Variants in DNAAF11 observed in about 807,000 individuals in gnomAD.
The protein encoded by DNAAF11 is leucine rich repeat containing 6.
DNAAF11 carries 45 observed loss-of-function variants against 60.8 expected under a neutral mutation model. That is an observed-to-expected ratio of 0.74 (90% confidence interval 0.58 to 0.95). The LOEUF is 0.95. DNAAF11 is among the 40% of genes least tolerant of loss of function. The probability of loss-of-function intolerance (pLI) is 0.00; values close to 1 mark genes in which losing one functional copy is unlikely to be tolerated. For synonymous variants in DNAAF11, 191 were observed against 183.5 expected (o/e 1.04, Z -0.33); for missense variants, 546 against 546.2 (o/e 1.00, Z 0.00).
At chr8:132,593,721 GA>G (rs1440626239) in intron 10 of DNAAF11, among the ~76,000 whole-genome samples, 1 of 151,792 alleles carries the variant, frequency 6.6e-6, no homozygotes, top group Non-Finnish European at 1.5e-5. Flanking sequence ...GAGATCAATG[GA>G]AAAAAACACA....
At chr8:132,647,952 C>T (rs1486207693) in intron 3 of DNAAF11, among the ~76,000 whole-genome samples, 1 of 152,190 alleles carries the variant, frequency 6.6e-6, no homozygotes, top group East Asian at 1.9e-4. Flanking sequence ...TGGTACCATT[C>T]CTTCTGAAAC....
intron 11 of DNAAF11, among the ~76,000 whole-genome samples, chr8:132,576,978 T>C (rs1814816970): frequency 6.6e-6 from 1 of 152,204 alleles, no homozygotes; most frequent in Non-Finnish European, 1.5e-5. Context: ...GTGATTTTAA[T>C]AACTTTTTAA....
chr8:132,581,089 G>A (rs1326832031), intron 11 of DNAAF11, among the ~76,000 whole-genome samples: 5 of 152,014 alleles, frequency 3.3e-5, no homozygotes, highest in Admixed American at 3.3e-4. Context: ...GGGACAGTAG[G>A]GTGCCCACAA....
intron 10 of DNAAF11, among the ~76,000 whole-genome samples, chr8:132,606,303 C>T (rs1158295171): frequency 6.6e-6 from 1 of 151,908 alleles, no homozygotes; most frequent in Non-Finnish European, 1.5e-5. Flanking sequence ...AGAGTGGGCT[C>T]CCTCTACTTA....
intron 10 of DNAAF11, among the ~76,000 whole-genome samples, chr8:132,598,698 T>C (rs1430741479): frequency 2.0e-5 from 3 of 151,904 alleles, no homozygotes; most frequent in Non-Finnish European, 4.4e-5. Context: ...TTATCTCTGC[T>C]AGAAATAAAG....
At chr8:132,581,021 G>A (rs920985507) in intron 11 of DNAAF11, among the ~76,000 whole-genome samples, 2 of 152,184 alleles carry the variant, frequency 1.3e-5, no homozygotes, top group East Asian at 1.9e-4. Flanking sequence ...CCTGGTCTAC[G>A]ACAGAGGTGG....
chr8:132,696,849 T>G, the DNAAF11 span, among the ~76,000 whole-genome samples: 976 of 152,162 alleles, frequency 6.4e-3, 10 homozygotes, highest in Non-Finnish European at 0.011. Flanking sequence ...TGAGAACGCA[T>G]GGACCCAATG....
rs185767832 is a variant in DNAAF11 at position 132,603,318 on chromosome 8, G to A, written c.1140+6848C>T. On this transcript the variant is annotated intron_variant, in intron 10 of 11. Transcript: ENST00000620350. ...CAAATAGAGAAGAACAGAGGTCTCA[G>A]AATTGAATTATTGCACACACCAACT... Among the ~76,000 whole-genome samples, 476 of 152,222 alleles carry A rather than the reference G, an allele frequency of 3.1e-3. 1 individual carries two copies. The highest frequency in any genetic ancestry group is 5.7e-3 in the Non-Finnish European group (385 of 68,006).
intron 11 of DNAAF11, among the ~76,000 whole-genome samples, chr8:132,581,081 G>A (rs1298716771): frequency 6.6e-6 from 1 of 152,136 alleles, no homozygotes; most frequent in Admixed American, 6.5e-5. Flanking sequence ...GAAACACAGG[G>A]ACAGTAGGGT....
At chr8:132,649,270 G>A (rs1822746175) in intron 3 of DNAAF11, among the ~76,000 whole-genome samples, 1 of 152,122 alleles carries the variant, frequency 6.6e-6, no homozygotes, top group African/African-American at 2.4e-5. Flanking sequence ...AATGGGGAAA[G>A]GATTCCCTGT....
chr8:132,698,758 AC>A, the DNAAF11 span, among the ~76,000 whole-genome samples: 28 of 152,072 alleles, frequency 1.8e-4, no homozygotes, highest in Non-Finnish European at 1.9e-4. Context: ...AACCAAACCA[AC>A]AAAAATCACA....
At chr8:132,597,279 G>A (rs943628845) in intron 10 of DNAAF11, among the ~76,000 whole-genome samples, 11 of 152,138 alleles carry the variant, frequency 7.2e-5, no homozygotes, top group Non-Finnish European at 1.3e-4. Flanking sequence ...AGCCCACCGA[G>A]CACTGCCATT....
At chr8:132,620,911 G>A (rs112938271) in intron 7 of DNAAF11, among the ~76,000 whole-genome samples, 12 of 152,290 alleles carry the variant, frequency 7.9e-5, no homozygotes, top group African/African-American at 2.9e-4. Context: ...AAGTGAGCCG[G>A]TTGGGGAACT....
rs773674926 is a variant in DNAAF11, at chr8:132,616,744, G to A, written c.915-1647C>T. ...AGAAACAAATTTTCAGTGCCACAAA[G>A]TGAAACCAGCACTCAGGCAAAAGTT... On this transcript the variant is annotated intron_variant, in intron 7 of 11. Coordinates refer to ENST00000620350, the MANE Select transcript of DNAAF11 (RefSeq NM_012472.6). 2.1e-3 allele frequency among the ~76,000 whole-genome samples: 320 copies of A among 152,302 alleles called. 3 individuals carry two copies. Among genetic ancestry groups the A allele is most frequent in the Non-Finnish European group, 1.8e-3 (125 of 68,030 alleles).
chr8:132,631,542 A>G (rs1820793747), intron 5 of DNAAF11, among the ~76,000 whole-genome samples: 1 of 152,148 alleles, frequency 6.6e-6, no homozygotes, highest in Non-Finnish European at 1.5e-5. Flanking sequence ...CACATACTCA[A>G]ACTACTATTG....
In DNAAF11 at chr8:132,656,857, T is replaced by C; in HGVS notation, c.229A>G (p.Asn77Asp). ...KLEYLNLALN[N>D]IEKIENLEGC... ...TCCAAGTTTTCTATTTTTTCAATGT[T>C]GTTTAAAGCTAAATTCAAATATTCA... Residue 77 changes from asparagine (N) to aspartate (D), a missense_variant, in exon 3 of 12, where the codon AAC (asparagine) becomes GAC (aspartate). Transcript: ENST00000620350. The C allele has an allele frequency of 7.3e-7, 1 of 1,367,782 alleles. No individual in the cohort carries two copies. Among genetic ancestry groups the C allele is most frequent in the Non-Finnish European group, 1.0e-6 (1 of 974,688 alleles). 84.7% of individuals were successfully genotyped at this position (1,367,782 alleles called of 1,614,324 possible).
At chr8:132,629,317 T>G (rs1820572979) in intron 5 of DNAAF11, among the ~76,000 whole-genome samples, 1 of 151,288 alleles carries the variant, frequency 6.6e-6, no homozygotes, top group Admixed American at 6.6e-5. Flanking sequence ...AGAAACAAGA[T>G]AACAAGATAC....
intron 11 of DNAAF11, among the ~76,000 whole-genome samples, chr8:132,575,777 T>C (rs36015261): frequency 0.15 from 22,975 of 152,150 alleles, 2,585 homozygotes; most frequent in African/African-American, 0.32. Context: ...TGCTTACTCT[T>C]AACCTGTTAC....
the DNAAF11 span, among the ~76,000 whole-genome samples, chr8:132,693,244 G>A: frequency 6.6e-6 from 1 of 152,198 alleles, no homozygotes; most frequent in African/African-American, 2.4e-5. Context: ...GTGAGCATAT[G>A]CACACAGGAA....
Sources: allele counts gnomAD v4.1 joint callset (sites outside exome capture counted in the v4.1 genomes callset), GRCh38; gene constraint gnomAD v4.1.1; transcripts MANE v1.5; gene names NCBI Gene and HGNC (gene_info 2026-07-23, HGNC 2026-07-21).